The following IVD variants were observed in gnomAD, a reference collection of about 807,000 sequenced individuals.
IVD encodes the protein isovaleryl-CoA dehydrogenase.
A neutral mutation model predicts 51.3 loss-of-function variants in IVD; 31 were observed. That is an observed-to-expected ratio of 0.60 (90% CI 0.45 to 0.81). The LOEUF is 0.81. Ranked by LOEUF, IVD falls within the 40% of genes least tolerant of loss-of-function variation. The pLI, the probability that IVD is intolerant of heterozygous loss-of-function variation, is 0.00. For synonymous variants in IVD, 205 were observed against 219.4 expected (o/e 0.93, Z 0.58); for missense variants, 475 against 552.0 (o/e 0.86, Z 1.40).
At chr15:40,410,487 A>G in intron 3 of IVD, 141 bp from the exon 4 acceptor site, 1 of 972,966 alleles carries the variant, frequency 1.0e-6, no homozygotes, top group South Asian at 1.4e-5. Flanking sequence ...CTGTGGCATC[A>G]GCTTATTCTT....
downstream of IVD, chr15:40,421,410 C>T (rs896960269): frequency 1.0e-6 from 1 of 984,938 alleles, no homozygotes; most frequent in Non-Finnish European, 1.2e-6. Flanking sequence ...TCTGCAGCAC[C>T]AGCTGCCAGC....
intron 7 of IVD, among the ~76,000 whole-genome samples, chr15:40,431,357 T>C (rs1892963686): frequency 6.6e-6 from 1 of 151,996 alleles, no homozygotes; most frequent in African/African-American, 2.4e-5. Context: ...ATTAGTAAAA[T>C]GAGAATAATA....
At position 40,413,042 on chromosome 15, in the gene IVD, G is replaced by A; in HGVS notation, c.739G>A (p.Gly247Ser). Reference protein sequence around the residue: ...SKKLDKLGMRGSNTCELIFED... With the variant: ...SKKLDKLGMRSSNTCELIFED... ...GAAGCTGGACAAGCTGGGGATGAGG[G>A]GCTCTAACACCTGTGAGCTAATCTT... The change falls in exon 7 of 12, where the codon GGC (glycine) becomes AGC (serine). Residue 247 changes from glycine to serine, a missense_variant. Transcript: ENST00000487418. 1.2e-6 allele frequency: 2 copies of A among 1,614,132 alleles called. No individual in the cohort carries two copies. Among genetic ancestry groups the A allele is most frequent in the Non-Finnish European group, 1.7e-6 (2 of 1,180,000 alleles).
chr15:40,407,728 G>A lies in IVD; in HGVS notation c.234+3G>A, dbSNP rs371846168. 3.7e-6 allele frequency: 6 copies of A among 1,613,536 alleles called. No individual in the cohort carries two copies. The highest frequency in any genetic ancestry group is 2.2e-5 in the East Asian group (1 of 44,896). On this transcript the variant is annotated splice_donor_region_variant and intron_variant, in intron 2 of 11. Coordinates refer to ENST00000487418, the MANE Select transcript of IVD (RefSeq NM_002225.5). ...GCAATGAGTTCAAGAACCTGCGAGT[G>A]AGTTGGGAGGTCCGGGCAGTCGGGG...
intron 7 of IVD, among the ~76,000 whole-genome samples, chr15:40,431,176 G>T (rs1362569305): frequency 6.6e-6 from 1 of 150,790 alleles, no homozygotes; most frequent in Non-Finnish European, 1.5e-5. Flanking sequence ...GGAGAACGGG[G>T]TCTCGCTTTA....
Position 40,420,703 on chromosome 15 carries a change from C to T in IVD, c.*2440C>T, listed in dbSNP as rs2141389508. The stretch of plus-strand genomic sequence containing the variant: ...AAGGAAGCTTATAGATTTCTGAAAA[C>T]CGCCCCTTTGTTTTTAAAAAGATCA... On this transcript the variant is annotated 3_prime_UTR_variant, in exon 12 of 12. Transcript: ENST00000487418. The T allele has an allele frequency of 2.0e-6, 2 of 986,470 alleles. No individual in the cohort carries two copies. The highest frequency in any genetic ancestry group is 1.1e-4 in the East Asian group (1 of 8,812). 61.1% of individuals were successfully genotyped at this position (986,470 alleles called of 1,614,324 possible).
intron 8 of IVD, among the ~76,000 whole-genome samples, chr15:40,434,963 T>G (rs1893185855): frequency 6.6e-6 from 1 of 152,218 alleles, no homozygotes; most frequent in Non-Finnish European, 1.5e-5. Flanking sequence ...TGTTGGGGGC[T>G]TGGGCAAGTG....
At chr15:40,414,680 T>C in intron 7 of IVD, 1 of 695,874 alleles carries the variant, frequency 1.4e-6, no homozygotes, top group Non-Finnish European at 2.3e-6. Flanking sequence ...GTTGGCCTCG[T>C]GGATGGGGTG....
chr15:40,426,087 G>A (rs948755339), downstream of IVD, among the ~76,000 whole-genome samples: 6 of 151,914 alleles, frequency 3.9e-5, no homozygotes, highest in Admixed American at 3.3e-4. Flanking sequence ...TTACAAGTGT[G>A]AGCCACGGTG....
intron 8 of IVD, among the ~76,000 whole-genome samples, chr15:40,434,328 G>A (rs1186958206): frequency 6.6e-6 from 1 of 152,156 alleles, no homozygotes; most frequent in Non-Finnish European, 1.5e-5. Flanking sequence ...GAACTTGTCT[G>A]CCTGCTTACT....
At chr15:40,423,543 C>T (rs1892490219), downstream of IVD, among the ~76,000 whole-genome samples, 1 of 152,192 alleles carries the variant, frequency 6.6e-6, no homozygotes, top group African/African-American at 2.4e-5. Context: ...CTGACTGCAA[C>T]CTCCGCCTCC....
rs758187120 is a variant in IVD at position 40,411,280 on chromosome 15, C to T, written c.477C>T (p.Ile159=). The change falls in exon 5 of 12, where the codon ATC becomes ATT. Residue 159 remains isoleucine, a synonymous_variant. Coordinates refer to ENST00000487418, the MANE Select transcript of IVD (RefSeq NM_002225.5). ...YLPKLISGEY[I]GALAMSEPNA... Reference sequence around the variant, plus strand: ...TGCAGCTGATCAGTGGTGAGTACATCGGAGCCCTGGCCATGAGTGAGCCCA... The same window carrying T: ...TGCAGCTGATCAGTGGTGAGTACATTGGAGCCCTGGCCATGAGTGAGCCCA... The T allele has an allele frequency of 7.4e-6, 12 of 1,614,012 alleles. No individual in the cohort carries two copies. In the South Asian group the frequency reaches 7.7e-5, roughly 10 times the overall value.
At chr15:40,416,544 A>G (rs1256766583) in intron 11 of IVD, among the ~76,000 whole-genome samples, 182 bp downstream of exon 11, 1 of 152,176 alleles carries the variant, frequency 6.6e-6, no homozygotes, top group Non-Finnish European at 1.5e-5. Flanking sequence ...ACATGGTGAA[A>G]CCGCATGCCG....
At chr15:40,434,176 G>A (rs866653598) in intron 8 of IVD, among the ~76,000 whole-genome samples, 30 of 152,338 alleles carry the variant, frequency 2.0e-4, no homozygotes, top group African/African-American at 7.0e-4. Flanking sequence ...TGTTGCAAGT[G>A]AAAATGTGCG....
chr15:40,406,181 G>T, intron 1 of IVD: 15 of 1,536,066 alleles, frequency 9.8e-6, no homozygotes, highest in Non-Finnish European at 1.2e-5. Context: ...GTGGAGTGAA[G>T]ATTTGAGACC....
At chr15:40,414,003 G>A (rs1179428011) in intron 7 of IVD, among the ~76,000 whole-genome samples, 1 of 152,126 alleles carries the variant, frequency 6.6e-6, no homozygotes, top group African/African-American at 2.4e-5. Flanking sequence ...TGGGATGACA[G>A]GCACACACCG....
downstream of IVD, chr15:40,424,069 T>C (rs1358840262): frequency 9.6e-7 from 1 of 1,045,386 alleles, no homozygotes; most frequent in Admixed American, 2.8e-5. Flanking sequence ...TCTCAGAGGC[T>C]AGCCTGGTAT....
At chr15:40,433,964 T>C (rs566556024) in intron 8 of IVD, 98 of 456,208 alleles carry the variant, frequency 2.1e-4, no homozygotes, top group South Asian at 1.5e-3. Flanking sequence ...CTGAGTAGGT[T>C]CCAGTGAACT....
Position 40,406,016 on chromosome 15 carries a change from C to T in IVD, c.144+45C>T, listed in dbSNP as rs1361784904. The T allele has an allele frequency of 2.4e-6, 3 of 1,238,430 alleles. No individual in the cohort carries two copies. In the Admixed American group the frequency reaches 6.8e-5, roughly 28 times the overall value. 76.7% of individuals were successfully genotyped at this position (1,238,430 alleles called of 1,614,324 possible). A position where few individuals can be genotyped will look rare whatever the true frequency, so the allele number is the denominator to read the frequency against. On this transcript the variant is annotated intron_variant, in intron 1 of 11. Transcript: ENST00000487418. ...TCCTGGCCCCAAGGCCTCCTTCCTG[C>T]CTGGTCCCCAAGGCCTCCTTCCTGC...
Sources: gnomAD v4.1 joint callset for allele counts (sites outside exome capture counted in the v4.1 genomes callset) on GRCh38, gnomAD v4.1.1 for gene constraint, MANE v1.5 for transcripts, NCBI Gene and HGNC (gene_info 2026-07-23, HGNC 2026-07-21) for gene names.